Variants in TG observed in about 807,000 individuals in gnomAD.
The protein encoded by TG is thyroid hormones.
A neutral mutation model predicts 324.7 loss-of-function variants in TG; 270 were observed. That is an observed-to-expected ratio of 0.83 (90% CI 0.75 to 0.92). The LOEUF is 0.92. Among genes scored for constraint, TG ranks in the 40% least tolerant of loss-of-function variants. The probability of loss-of-function intolerance (pLI) is 0.00; values close to 1 mark genes in which losing one functional copy is unlikely to be tolerated. For synonymous variants in TG, 1,401 were observed against 1,327.0 expected (o/e 1.06, Z -1.21); for missense variants, 3,591 against 3,456.4 (o/e 1.04, Z -0.98).
intron 41 of TG, among the ~76,000 whole-genome samples, chr8:133,094,365 C>G (rs1848089427): frequency 6.6e-6 from 1 of 151,614 alleles, no homozygotes; most frequent in African/African-American, 2.4e-5. Context: ...CTCAGCCTCC[C>G]AAGTAGCAGG....
intron 41 of TG, among the ~76,000 whole-genome samples, chr8:133,080,069 T>G (rs574892239): frequency 1.1e-4 from 17 of 152,222 alleles, no homozygotes; most frequent in African/African-American, 4.1e-4. Flanking sequence ...AGAAGGGAAC[T>G]GAAGGCATGG....
At chr8:133,048,188 C>A (rs1326565840) in intron 41 of TG, among the ~76,000 whole-genome samples, 1 of 152,046 alleles carries the variant, frequency 6.6e-6, no homozygotes, top group Non-Finnish European at 1.5e-5. Context: ...AATTCCATAA[C>A]CACCTCACTT....
intron 10 of TG, among the ~76,000 whole-genome samples, chr8:132,889,740 G>A (rs1815960507): frequency 6.6e-6 from 1 of 152,066 alleles, no homozygotes; most frequent in Non-Finnish European, 1.5e-5. Flanking sequence ...GCAATTTTAG[G>A]AGCATGAGTT....
rs567664915 is a variant in TG, at chr8:133,120,987, G to C, written c.7862+4271G>C. Among the ~76,000 whole-genome samples, 5 of 152,266 alleles carry C rather than the reference G, an allele frequency of 3.3e-5. No homozygotes were observed. In the South Asian group the frequency reaches 1.0e-3, roughly 32 times the overall value. On this transcript the variant is annotated intron_variant, in intron 45 of 47. Coordinates refer to ENST00000220616, the MANE Select transcript of TG (RefSeq NM_003235.5). ...GTGTGGGTTTCTCTGTTGCTGAGTA[G>C]TGTCCTCATGTCCCTAGAGACAGGG...
chr8:133,131,740 T>C, intron 45 of TG, 72 bp from the exon 46 acceptor site: 1 of 1,593,646 alleles, frequency 6.3e-7, no homozygotes, highest in Non-Finnish European at 8.6e-7. Context: ...ATATTTTTGT[T>C]TGTGTGTTTG....
At chr8:133,000,406 G>A (rs566189286) in intron 35 of TG, among the ~76,000 whole-genome samples, 1 of 152,188 alleles carries the variant, frequency 6.6e-6, no homozygotes, top group Admixed American at 6.5e-5. Context: ...TCTGCTTTAC[G>A]GTTCAGGTGG....
chr8:133,086,192 G>T (rs917174244), intron 41 of TG, among the ~76,000 whole-genome samples: 1 of 152,200 alleles, frequency 6.6e-6, no homozygotes. Context: ...ATGGCCTGCG[G>T]CTGGGAGTGA....
At chr8:132,991,800 T>C (rs1180031912) in intron 35 of TG, among the ~76,000 whole-genome samples, 2 of 152,090 alleles carry the variant, frequency 1.3e-5, no homozygotes, top group Non-Finnish European at 2.9e-5. Context: ...CTATAATTGC[T>C]GTAATGTGTG....
intron 43 of TG, among the ~76,000 whole-genome samples, chr8:133,112,032 TCC>T (rs1369298452): frequency 1.4e-5 from 2 of 143,674 alleles, no homozygotes; most frequent in African/African-American, 4.9e-5. Flanking sequence ...GAGGGGCTGT[TCC>T]CACCCAGGAG....
intron 25 of TG, among the ~76,000 whole-genome samples, chr8:132,939,440 GGA>G (rs1254718817): frequency 6.6e-6 from 1 of 152,082 alleles, no homozygotes; most frequent in Non-Finnish European, 1.5e-5. Context: ...AGGGATCAAG[GGA>G]GAGAGAGATG....
Position 132,935,743 on chromosome 8 carries a change from T to C in TG, c.4933-13T>C, listed in dbSNP as rs745322942. The C allele has an allele frequency of 5.0e-6, 8 of 1,601,698 alleles. No homozygotes were observed. The highest frequency in any genetic ancestry group is 6.8e-6 in the Non-Finnish European group (8 of 1,169,852). Reference sequence around the variant, plus strand: ...TATTGCAGGATAATAATGCAGCATCTTTCCATCTCCAGAAACGAGATGCAC... The same window carrying C: ...TATTGCAGGATAATAATGCAGCATCCTTCCATCTCCAGAAACGAGATGCAC... On this transcript the variant is annotated splice_polypyrimidine_tract_variant and intron_variant, in intron 24 of 47. Coordinates refer to ENST00000220616, the MANE Select transcript of TG (RefSeq NM_003235.5).
chr8:133,127,633 C>A (rs1259709830), intron 45 of TG, among the ~76,000 whole-genome samples: 2 of 152,170 alleles, frequency 1.3e-5, no homozygotes, highest in Admixed American at 6.5e-5. Context: ...GGCCGTCACA[C>A]CTTTCGAAGA....
At chr8:133,093,080 G>A (rs192649614) in intron 41 of TG, among the ~76,000 whole-genome samples, 7 of 151,828 alleles carry the variant, frequency 4.6e-5, no homozygotes, top group East Asian at 1.9e-4. Context: ...TTCAGAACAC[G>A]GAGTTTTGAG....
chr8:132,895,662 C>T (rs1168062302), intron 11 of TG, among the ~76,000 whole-genome samples: 2 of 152,204 alleles, frequency 1.3e-5, no homozygotes, highest in African/African-American at 4.8e-5. Flanking sequence ...TTTCTCTGTT[C>T]CTCAGAGACT....
At position 133,119,573 on chromosome 8, in the gene TG, G is replaced by A. The variant is rs145258823; in HGVS notation, c.7862+2857G>A. Among the ~76,000 whole-genome samples, 888 of 152,200 alleles carry A rather than the reference G, an allele frequency of 5.8e-3. 3 individuals carry two copies. Among genetic ancestry groups the A allele is most frequent in the South Asian group, 0.018 (87 of 4,814 alleles). ...CAAAGGGGACAAACATTTTCCCTAA[G>A]GCCTCTTTTATGAGAGCACTAACTC... On this transcript the variant is annotated intron_variant, in intron 45 of 47. Transcript: ENST00000220616.
intron 35 of TG, among the ~76,000 whole-genome samples, chr8:133,004,500 C>G (rs1833849084): frequency 6.6e-6 from 1 of 152,194 alleles, no homozygotes; most frequent in Non-Finnish European, 1.5e-5. Context: ...GGTGGTGTCT[C>G]TATGGTCTGG....
chr8:132,961,746 T>A (rs1360364475), intron 28 of TG, among the ~76,000 whole-genome samples: 2 of 140,712 alleles, frequency 1.4e-5, no homozygotes, highest in African/African-American at 5.4e-5. Flanking sequence ...CATGGCCATA[T>A]GTGCTGGGTG....
intron 35 of TG, among the ~76,000 whole-genome samples, chr8:132,994,418 G>A (rs1832676802): frequency 6.6e-6 from 1 of 152,136 alleles, no homozygotes; most frequent in African/African-American, 2.4e-5. Flanking sequence ...AAATATTTTA[G>A]GCAGGTTGCC....
intron 19 of TG, among the ~76,000 whole-genome samples, chr8:132,912,417 C>G (rs1011559116): frequency 5.9e-5 from 9 of 152,228 alleles, no homozygotes; most frequent in Admixed American, 5.9e-4. Flanking sequence ...TCTACAGTAG[C>G]CTGTTACAGC....
Sources: gnomAD v4.1 joint callset for allele counts (sites outside exome capture counted in the v4.1 genomes callset) on GRCh38, gnomAD v4.1.1 for gene constraint, MANE v1.5 for transcripts, NCBI Gene and HGNC (gene_info 2026-07-23, HGNC 2026-07-21) for gene names.